CCDC141: variants seen among roughly 807,000 people sequenced by gnomAD.
CCDC141 encodes the protein coiled-coil domain-containing protein 141.
In CCDC141, 168 loss-of-function variants were observed where a neutral mutation model predicts 181.0. The ratio of observed to expected loss-of-function variants is 0.93; its 90% CI spans 0.82 to 1.05. The LOEUF is 1.05. CCDC141 is among the 50% of genes least tolerant of loss of function. CCDC141 has a pLI of 0.00. For missense variants in CCDC141, 1,902 were observed against 1,788.5 expected (o/e 1.06, Z -1.14); for synonymous variants, 666 against 642.3 (o/e 1.04, Z -0.56).
chr2:179,027,048 C>T (rs193205883), intron 2 of CCDC141, among the ~76,000 whole-genome samples: 1 of 152,266 alleles, frequency 6.6e-6, no homozygotes, highest in East Asian at 1.9e-4. Flanking sequence ...ACTTGCCCCA[C>T]CTCAGATGAG....
chr2:178,871,571 A>G lies in CCDC141; in HGVS notation c.2080-19T>C. 6.2e-7 allele frequency: 1 copy of G among 1,609,252 alleles called. No homozygotes were observed. Among genetic ancestry groups the G allele is most frequent in the East Asian group, 2.2e-5 (1 of 44,782 alleles). ...GAGAAGTCTGAAATAAATATTGGAC[A>G]GTTACACATGCATTTTCTTTGACAT... On this transcript the variant is annotated intron_variant, in intron 13 of 23. Coordinates refer to ENST00000443758, the MANE Select transcript of CCDC141 (RefSeq NM_173648.4).
chr2:178,867,672 T>A (rs1431005507), intron 16 of CCDC141, among the ~76,000 whole-genome samples: 3 of 152,196 alleles, frequency 2.0e-5, no homozygotes, highest in African/African-American at 4.8e-5. Flanking sequence ...AATTTATATT[T>A]AAATTAATGC....
intron 11 of CCDC141, among the ~76,000 whole-genome samples, chr2:178,883,674 T>G (rs750367069): frequency 2.0e-5 from 3 of 152,202 alleles, no homozygotes; most frequent in Non-Finnish European, 4.4e-5. Context: ...TGAACCCTAC[T>G]GGCTCTGCCT....
chr2:178,898,312 T>C (rs1396117861), intron 8 of CCDC141, among the ~76,000 whole-genome samples: 1 of 152,202 alleles, frequency 6.6e-6, no homozygotes, highest in Non-Finnish European at 1.5e-5. Flanking sequence ...TGAGGCAGCA[T>C]GAGGTTCTTA....
intron 3 of CCDC141, among the ~76,000 whole-genome samples, chr2:178,977,604 G>A (rs980946427): frequency 2.0e-5 from 3 of 152,124 alleles, no homozygotes; most frequent in African/African-American, 4.8e-5. Context: ...AGTTCATGAT[G>A]CATGAGATTG....
chr2:178,949,737 GC>G (rs550781687), intron 5 of CCDC141, among the ~76,000 whole-genome samples: 2 of 152,160 alleles, frequency 1.3e-5, no homozygotes, highest in Non-Finnish European at 2.9e-5. Flanking sequence ...AGAGCAAGAA[GC>G]CAGCTGTGGG....
At chr2:178,848,300 G>A (rs1685023889) in intron 21 of CCDC141, among the ~76,000 whole-genome samples, 1 of 152,226 alleles carries the variant, frequency 6.6e-6, no homozygotes, top group Non-Finnish European at 1.5e-5. Flanking sequence ...GTTTGGAAAG[G>A]TGACCAGCTT....
At chr2:178,961,792 G>C (rs1690414238) in intron 4 of CCDC141, among the ~76,000 whole-genome samples, 1 of 152,204 alleles carries the variant, frequency 6.6e-6, no homozygotes, top group Non-Finnish European at 1.5e-5. Flanking sequence ...GCAGTTTTCA[G>C]CGGTATGATG....
chr2:178,983,490 G>C (rs1293165976), intron 2 of CCDC141, among the ~76,000 whole-genome samples: 1 of 151,790 alleles, frequency 6.6e-6, no homozygotes, highest in Non-Finnish European at 1.5e-5. Flanking sequence ...GCTGAGAGAA[G>C]AAGGCTTCAG....
At chr2:178,947,430 A>G (rs551060393) in intron 5 of CCDC141, among the ~76,000 whole-genome samples, 49 of 152,308 alleles carry the variant, frequency 3.2e-4, no homozygotes, top group Non-Finnish European at 6.6e-4. Context: ...GTTCTGGGCA[A>G]TGATGGATTA....
intron 2 of CCDC141, 66 bp from the exon 3 acceptor site, chr2:178,978,741 T>G (rs1691234679): frequency 4.9e-6 from 6 of 1,235,284 alleles, no homozygotes; most frequent in Admixed American, 3.2e-5. Context: ...GGATCACATT[T>G]TAAACACTTG....
chr2:179,044,169 A>C (rs1181680708), intron 2 of CCDC141, among the ~76,000 whole-genome samples: 1 of 152,190 alleles, frequency 6.6e-6, no homozygotes. Flanking sequence ...ACACAAACAA[A>C]TGGAAGAACA....
At chr2:178,983,001 C>T (rs945744863) in intron 2 of CCDC141, among the ~76,000 whole-genome samples, 12 of 152,198 alleles carry the variant, frequency 7.9e-5, no homozygotes, top group Non-Finnish European at 1.8e-4. Flanking sequence ...TAGGCTCCAC[C>T]TCTGGGGGCA....
chr2:178,957,648 C>G (rs1425293359), intron 5 of CCDC141, among the ~76,000 whole-genome samples: 1 of 152,162 alleles, frequency 6.6e-6, no homozygotes, highest in East Asian at 1.9e-4. Flanking sequence ...TTCATAATTG[C>G]CAAAATTTGG....
chr2:178,906,240 C>A (rs750881946), intron 7 of CCDC141, among the ~76,000 whole-genome samples: 1 of 152,162 alleles, frequency 6.6e-6, no homozygotes, highest in East Asian at 1.9e-4. Context: ...ATCAACAACC[C>A]AGCATGCAGG....
chr2:178,857,060 TATC>T (rs944292940), intron 17 of CCDC141, among the ~76,000 whole-genome samples: 8 of 152,264 alleles, frequency 5.3e-5, no homozygotes, highest in African/African-American at 1.7e-4. Context: ...ATTTCTCACA[TATC>T]ATACATAAAT....
chr2:178,898,363 C>T (rs972976174), intron 8 of CCDC141, among the ~76,000 whole-genome samples: 1 of 152,186 alleles, frequency 6.6e-6, no homozygotes, highest in African/African-American at 2.4e-5. Flanking sequence ...CTTGGCCCTC[C>T]AGCCTCCAGA....
Position 178,834,070 on chromosome 2 carries a change from G to T in CCDC141, c.*103C>A. 2 of 1,172,236 alleles carry T rather than the reference G, an allele frequency of 1.7e-6. No homozygotes were observed. The highest frequency in any genetic ancestry group is 2.4e-6 in the Non-Finnish European group (2 of 834,862). 72.6% of individuals were successfully genotyped at this position (1,172,236 alleles called of 1,614,324 possible). A position where few individuals can be genotyped will look rare whatever the true frequency, so the allele number is the denominator to read the frequency against. On this transcript the variant is annotated 3_prime_UTR_variant, in exon 24 of 24. Transcript: ENST00000443758. ...AAACAAGTATGGTGATCAGACTGGA[G>T]ATACACTTGGTGGGAGATGCTTTGC...
At chr2:178,986,702 G>A (rs1486338009) in intron 2 of CCDC141, among the ~76,000 whole-genome samples, 2 of 151,842 alleles carry the variant, frequency 1.3e-5, no homozygotes, top group East Asian at 3.9e-4. Context: ...AATCATGAGT[G>A]AACTCCCATT....
Sources: allele counts gnomAD v4.1 joint callset (sites outside exome capture counted in the v4.1 genomes callset), GRCh38; gene constraint gnomAD v4.1.1; transcripts MANE v1.5; gene names NCBI Gene and HGNC (gene_info 2026-07-23, HGNC 2026-07-21).